The following ULK4 variants were observed in gnomAD, a reference collection of about 807,000 sequenced individuals.
ULK4 encodes the protein inactive serine/threonine-protein kinase ULK4.
In ULK4, 133 loss-of-function variants were observed where a neutral mutation model predicts 160.6. The observed-to-expected ratio is 0.83, with a 90% confidence interval of 0.72 to 0.96. ULK4 has a LOEUF of 0.96. ULK4 is among the 40% of genes least tolerant of loss of function. ULK4 has a pLI of 0.00. For missense variants in ULK4, 1,580 were observed against 1,499.5 expected (o/e 1.05, Z -0.89); for synonymous variants, 534 against 539.8 (o/e 0.99, Z 0.15).
chr3:41,800,028 A>G, intron 20 of ULK4, 104 bp downstream of exon 20: 17 of 1,118,258 alleles, frequency 1.5e-5, no homozygotes, highest in Non-Finnish European at 1.9e-5. Flanking sequence ...CTGAGATTTC[A>G]GTTTCCTATC....
chr3:41,707,345 A>T (rs1273810349), intron 25 of ULK4, among the ~76,000 whole-genome samples: 1 of 152,192 alleles, frequency 6.6e-6, no homozygotes, highest in Non-Finnish European at 1.5e-5. Flanking sequence ...CACACAAGCA[A>T]CAAAAGCAAA....
chr3:41,322,927 G>A (rs1204179844), intron 35 of ULK4, among the ~76,000 whole-genome samples: 3 of 151,652 alleles, frequency 2.0e-5, no homozygotes, highest in South Asian at 2.1e-4. Context: ...TATAATAGCC[G>A]TGTGTGTGTG....
intron 35 of ULK4, among the ~76,000 whole-genome samples, chr3:41,360,209 C>T (rs940476402): frequency 6.6e-5 from 10 of 152,234 alleles, no homozygotes; most frequent in Admixed American, 6.5e-5. Flanking sequence ...ATCAAAACCA[C>T]GATGAGATAC....
intron 34 of ULK4, among the ~76,000 whole-genome samples, chr3:41,432,196 A>C (rs1161405343): frequency 6.6e-6 from 1 of 152,196 alleles, no homozygotes; most frequent in Non-Finnish European, 1.5e-5. Context: ...TGAGATACTA[A>C]AGACCAGTAC....
intron 11 of ULK4, 112 bp downstream of exon 11, chr3:41,911,205 T>G (rs750212334): frequency 3.1e-4 from 324 of 1,043,518 alleles, no homozygotes; most frequent in Non-Finnish European, 4.4e-4. Context: ...CATTTGGCAC[T>G]AAAATTCCTG....
intron 34 of ULK4, among the ~76,000 whole-genome samples, chr3:41,437,696 G>T (rs1003657609): frequency 1.4e-4 from 21 of 152,180 alleles, no homozygotes; most frequent in African/African-American, 4.8e-4. Context: ...AAATAAGAAT[G>T]ATCTGAATGT....
chr3:41,774,228 T>C (rs2039517203), intron 21 of ULK4, among the ~76,000 whole-genome samples: 2 of 150,014 alleles, frequency 1.3e-5, no homozygotes, highest in East Asian at 2.0e-4. Flanking sequence ...AAATGGGATC[T>C]AATTAAACTA....
At chr3:41,486,815 C>G (rs1476641463) in intron 32 of ULK4, among the ~76,000 whole-genome samples, 1 of 152,016 alleles carries the variant, frequency 6.6e-6, no homozygotes, top group African/African-American at 2.4e-5. Flanking sequence ...GGCCATTGAC[C>G]ATTTGTATAC....
At chr3:41,488,134 G>A (rs9856318) in intron 32 of ULK4, among the ~76,000 whole-genome samples, 62,303 of 152,044 alleles carry the variant, frequency 0.41, 12,945 homozygotes, top group African/African-American at 0.43. Context: ...ATGGACAACC[G>A]AGTTAGAGAA....
intron 30 of ULK4, among the ~76,000 whole-genome samples, chr3:41,640,044 T>C (rs543404304): frequency 6.6e-6 from 1 of 152,286 alleles, no homozygotes; most frequent in East Asian, 1.9e-4. Context: ...ATTGGATGGC[T>C]GATGGCCCAT....
At chr3:41,622,122 C>A (rs940928598) in intron 30 of ULK4, among the ~76,000 whole-genome samples, 1 of 152,124 alleles carries the variant, frequency 6.6e-6, no homozygotes, top group South Asian at 2.1e-4. Flanking sequence ...CAGATACTGG[C>A]AAGGCTGTGG....
intron 35 of ULK4, among the ~76,000 whole-genome samples, chr3:41,361,690 ATTATTT>A (rs1488462463): frequency 6.6e-6 from 1 of 152,136 alleles, no homozygotes; most frequent in Non-Finnish European, 1.5e-5. Flanking sequence ...ACAAGTCTTT[ATTATTT>A]TGTTTTCTGC....
chr3:41,620,091 T>C (rs1559437722), intron 30 of ULK4, among the ~76,000 whole-genome samples: 1 of 151,970 alleles, frequency 6.6e-6, no homozygotes, highest in Non-Finnish European at 1.5e-5. Context: ...AATAGACCAA[T>C]AAGAAGATCT....
At chr3:41,626,275 TTTTAA>T (rs1399608291) in intron 30 of ULK4, among the ~76,000 whole-genome samples, 1 of 152,212 alleles carries the variant, frequency 6.6e-6, no homozygotes, top group Non-Finnish European at 1.5e-5. Flanking sequence ...GAAAAAAATT[TTTTAA>T]TTTATTTATT....
chr3:41,659,118 A>C (rs577833807), intron 30 of ULK4, among the ~76,000 whole-genome samples: 70 of 152,334 alleles, frequency 4.6e-4, no homozygotes, highest in African/African-American at 1.6e-3. Context: ...ATTTATTTAA[A>C]GCTTACATGA....
At chr3:41,692,233 G>A (rs370094184) in intron 27 of ULK4, among the ~76,000 whole-genome samples, 1 of 148,608 alleles carries the variant, frequency 6.7e-6, no homozygotes, top group Non-Finnish European at 1.5e-5. Flanking sequence ...TTACAGGCGT[G>A]AGCCACCGCG....
intron 35 of ULK4, among the ~76,000 whole-genome samples, chr3:41,318,362 A>G (rs1390224801): frequency 6.6e-6 from 1 of 152,150 alleles, no homozygotes; most frequent in African/African-American, 2.4e-5. Context: ...GTTTTTAAAA[A>G]CAACTGTTTG....
At chr3:41,509,631 T>C (rs1041692994) in intron 32 of ULK4, among the ~76,000 whole-genome samples, 1 of 152,194 alleles carries the variant, frequency 6.6e-6, no homozygotes, top group Non-Finnish European at 1.5e-5. Flanking sequence ...GATTTATCAG[T>C]AGAAACTCTA....
chr3:41,769,339 C>A (rs1483133376), intron 21 of ULK4, among the ~76,000 whole-genome samples: 1 of 152,134 alleles, frequency 6.6e-6, no homozygotes, highest in East Asian at 1.9e-4. Flanking sequence ...AATCTCACAA[C>A]ACTTGAGGAG....
Sources: allele counts gnomAD v4.1 joint callset (sites outside exome capture counted in the v4.1 genomes callset), GRCh38; gene constraint gnomAD v4.1.1; transcripts MANE v1.5; gene names NCBI Gene and HGNC (gene_info 2026-07-23, HGNC 2026-07-21).